CIRSR: variants seen among roughly 807,000 people sequenced by gnomAD.
The protein encoded by CIRSR is CBF1 (RBPJ) interacting corepressor 1.
At chr2:174,351,323 T>C in the CIRSR span, among the ~76,000 whole-genome samples, 6 of 152,184 alleles carry the variant, frequency 3.9e-5, no homozygotes, top group Non-Finnish European at 8.8e-5. Context: ...TTTAATGTCA[T>C]ATCAGGGGTA....
the CIRSR span, chr2:174,348,392 C>G: frequency 6.7e-7 from 1 of 1,486,688 alleles, no homozygotes; most frequent in African/African-American, 1.4e-5. Context: ...ATTAGAAAGA[C>G]AACAGTACAT....
At chr2:174,380,161 A>C in the CIRSR span, 1 of 1,376,854 alleles carries the variant, frequency 7.3e-7, no homozygotes, top group Non-Finnish European at 1.0e-6. Context: ...ACATTTATTA[A>C]ATAAAAATTA....
chr2:174,372,826 G>C, the CIRSR span, among the ~76,000 whole-genome samples: 1 of 152,026 alleles, frequency 6.6e-6, no homozygotes, highest in African/African-American at 2.4e-5. Flanking sequence ...AGATGATTTG[G>C]CTGCCTTGGC....
the CIRSR span, among the ~76,000 whole-genome samples, chr2:174,354,629 A>G: frequency 1.2e-5 from 1 of 84,636 alleles, no homozygotes; most frequent in South Asian, 2.7e-4. Context: ...TATATATTAT[A>G]TAATATATAT....
chr2:174,374,783 G>C, the CIRSR span, among the ~76,000 whole-genome samples: 1 of 152,244 alleles, frequency 6.6e-6, no homozygotes, highest in East Asian at 1.9e-4. Context: ...TATTCCTTTT[G>C]CCTAAGATGC....
the CIRSR span, chr2:174,348,349 T>C: frequency 7.8e-7 from 1 of 1,282,502 alleles, no homozygotes; most frequent in South Asian, 1.7e-5. Flanking sequence ...GAATTGACAG[T>C]CTAGAGATGA....
the CIRSR span, among the ~76,000 whole-genome samples, chr2:174,377,270 G>A: frequency 6.6e-6 from 1 of 152,140 alleles, no homozygotes; most frequent in Admixed American, 6.5e-5. Context: ...TTGAGCCAAC[G>A]GGTATATAAC....
the CIRSR span, chr2:174,348,860 T>C: frequency 6.2e-7 from 1 of 1,614,224 alleles, no homozygotes; most frequent in Admixed American, 1.7e-5. Flanking sequence ...CCTTGGCTTT[T>C]TCCCGGTTAT....
At chr2:174,372,289 A>C in the CIRSR span, among the ~76,000 whole-genome samples, 1 of 152,216 alleles carries the variant, frequency 6.6e-6, no homozygotes, top group African/African-American at 2.4e-5. Flanking sequence ...CAGGTAAGCC[A>C]AAAAGATGAA....
At chr2:174,381,009 A>G in the CIRSR span, among the ~76,000 whole-genome samples, 6 of 152,214 alleles carry the variant, frequency 3.9e-5, no homozygotes, top group African/African-American at 1.2e-4. Context: ...ATTAAAATTA[A>G]TAAGTATGTT....
the CIRSR span, among the ~76,000 whole-genome samples, chr2:174,367,066 TGAATA>T: frequency 2.6e-5 from 4 of 152,088 alleles, no homozygotes; most frequent in African/African-American, 9.7e-5. Flanking sequence ...ATTAGGGTAA[TGAATA>T]GAAAACAATT....
the CIRSR span, among the ~76,000 whole-genome samples, chr2:174,356,525 A>AG: frequency 4.9e-5 from 7 of 143,612 alleles, no homozygotes; most frequent in African/African-American, 1.5e-4. Flanking sequence ...GAAAGAAAGA[A>AG]AGAAGAAAGG....
chr2:174,367,746 A>T, the CIRSR span, among the ~76,000 whole-genome samples: 2 of 56,608 alleles, frequency 3.5e-5, no homozygotes, highest in Non-Finnish European at 6.6e-5. Context: ...GCTGTCTCTT[A>T]AAAAAAAAAA....
the CIRSR span, among the ~76,000 whole-genome samples, chr2:174,361,071 AATCAACTACG>A: frequency 0.016 from 2,418 of 152,316 alleles, 59 homozygotes; most frequent in African/African-American, 0.049. Flanking sequence ...AATCAAGTAC[AATCAACTACG>A]ATCAACTACG....
At chr2:174,387,819 TTTAAA>T in the CIRSR span, 1 of 1,512,370 alleles carries the variant, frequency 6.6e-7, no homozygotes, top group Admixed American at 2.2e-5. Context: ...AATTGTTGGA[TTTAAA>T]TTAAACAAAC....
At chr2:174,377,635 T>C in the CIRSR span, among the ~76,000 whole-genome samples, 2 of 151,502 alleles carry the variant, frequency 1.3e-5, no homozygotes, top group Admixed American at 6.6e-5. Flanking sequence ...CTAGGCAACA[T>C]GGCAAAACCC....
the CIRSR span, among the ~76,000 whole-genome samples, chr2:174,362,293 G>A: frequency 5.3e-5 from 8 of 152,084 alleles, no homozygotes; most frequent in East Asian, 5.8e-4. Flanking sequence ...GGGACAAAGC[G>A]AGACCTTTTC....
the CIRSR span, chr2:174,381,834 G>A: frequency 8.2e-7 from 1 of 1,212,728 alleles, no homozygotes; most frequent in Non-Finnish European, 1.2e-6. Flanking sequence ...AAAAATTATA[G>A]AATAATCCAC....
At chr2:174,360,921 C>T in the CIRSR span, among the ~76,000 whole-genome samples, 1 of 152,196 alleles carries the variant, frequency 6.6e-6, no homozygotes, top group African/African-American at 2.4e-5. Context: ...CTTTGAAGTA[C>T]TATGACTGGA....
Sources: gnomAD v4.1 joint callset for allele counts (sites outside exome capture counted in the v4.1 genomes callset) on GRCh38, gnomAD v4.1.1 for gene constraint, MANE v1.5 for transcripts, NCBI Gene and HGNC (gene_info 2026-07-23, HGNC 2026-07-21) for gene names.